KY: variants seen among roughly 807,000 people sequenced by gnomAD.
KY encodes kyphoscoliosis peptidase.
Under a neutral mutation model 76.1 loss-of-function variants are expected in KY, and 43 were observed. That is an observed-to-expected ratio of 0.57 (90% CI 0.44 to 0.73). The LOEUF (loss-of-function observed/expected upper bound fraction) is 0.73. Ranked by LOEUF, KY falls within the 30% of genes least tolerant of loss-of-function variation. The probability of loss-of-function intolerance (pLI) is 0.00; values close to 1 mark genes in which losing one functional copy is unlikely to be tolerated. For missense variants in KY, 722 were observed against 828.9 expected (o/e 0.87, Z 1.58); for synonymous variants, 277 against 326.2 (o/e 0.85, Z 1.63).
At chr3:134,615,292 C>T (rs1961327050) in intron 8 of KY, 1 of 149,420 alleles carries the variant, frequency 6.7e-6, no homozygotes, top group Admixed American at 6.7e-5. Context: ...GGACACACAG[C>T]TAGCCAGTGG....
Position 134,604,109 on chromosome 3 carries a change from C to G in KY, c.1456G>C (p.Val486Leu), listed in dbSNP as rs369734875. Residue 486 changes from valine to leucine, a missense_variant, in exon 11 of 11, where the codon GTG (valine) becomes CTG (leucine). Physicochemically the swap from Val to Leu is conservative, Grantham distance 32 (BLOSUM62 1). Transcript: ENST00000423778. Reference protein sequence around the residue: ...SDGRCSISFSVEEGINVLASL... With the variant: ...SDGRCSISFSLEEGINVLASL... ...GCCAGGACATTAATGCCCTCCTCCA[C>G]GCTGAAGCTGATGGAGCAGCGCCCG... 2.9e-5 allele frequency: 47 copies of G among 1,611,390 alleles called. No homozygotes were observed. The highest frequency in any genetic ancestry group is 3.6e-5 in the Non-Finnish European group (42 of 1,178,646).
chr3:134,611,048 G>A (rs1313883731), intron 8 of KY, among the ~76,000 whole-genome samples: 2 of 152,194 alleles, frequency 1.3e-5, no homozygotes, highest in Non-Finnish European at 2.9e-5. Flanking sequence ...TGACTGGTGG[G>A]TCTGTCCTTT....
Position 134,608,678 on chromosome 3 carries a change from G to A in KY, c.1061C>T (p.Ala354Val). ...SEFYNKGMLS[A>V]HPETSMIRTV... ...TCTGATCATGGAAGTCTCTGGGTGG[G>A]CACTCAGCATCCCTTTGTTGTAGAA... The change falls in exon 10 of 11, where the codon GCC (alanine) becomes GTC (valine). Residue 354 changes from alanine (A) to valine (V), a missense_variant. This residue lies in a region of KY where 552 missense variants were observed against 680.9 expected (regional missense o/e 0.81). Transcript: ENST00000423778. 2 of 1,614,032 alleles carry A rather than the reference G, an allele frequency of 1.2e-6. No homozygotes were observed. The highest frequency in any genetic ancestry group is 8.5e-7 in the Non-Finnish European group (1 of 1,179,890).
At chr3:134,641,817 G>A (rs1007814081) in intron 3 of KY, among the ~76,000 whole-genome samples, 1 of 152,128 alleles carries the variant, frequency 6.6e-6, no homozygotes, top group African/African-American at 2.4e-5. Context: ...TGTCAGGATT[G>A]TCTGTGTCTC....
intron 3 of KY, among the ~76,000 whole-genome samples, chr3:134,640,164 C>G (rs543183267): frequency 6.6e-6 from 1 of 151,730 alleles, no homozygotes; most frequent in East Asian, 1.9e-4. Context: ...AAATGTTGAA[C>G]CATTCCGAGC....
At chr3:134,644,644 G>A (rs1966215149) in intron 2 of KY, among the ~76,000 whole-genome samples, 1 of 152,234 alleles carries the variant, frequency 6.6e-6, no homozygotes, top group Non-Finnish European at 1.5e-5. Flanking sequence ...AAACAAGTAT[G>A]CCTCTGGGGC....
In KY at chr3:134,600,375, T is replaced by C. The variant is rs979098363; in HGVS notation, c.*3204A>G. Among the ~76,000 whole-genome samples, 67 of 152,250 alleles carry C rather than the reference T, an allele frequency of 4.4e-4. No homozygotes were observed. Among genetic ancestry groups the C allele is most frequent in the African/African-American group, 1.5e-3 (64 of 41,480 alleles). Reference sequence around the variant, plus strand: ...TGCTTAACAACAGGAAATAGTTCTTTATGTCTAGCCGAAATCCTTCATGCT... The same window carrying C: ...TGCTTAACAACAGGAAATAGTTCTTCATGTCTAGCCGAAATCCTTCATGCT... On this transcript the variant is annotated 3_prime_UTR_variant, in exon 11 of 11. Transcript: ENST00000423778.
chr3:134,616,324 T>C (rs765712347), intron 8 of KY, among the ~76,000 whole-genome samples: 2 of 152,206 alleles, frequency 1.3e-5, no homozygotes, highest in Non-Finnish European at 2.9e-5. Flanking sequence ...AATCAGTCTT[T>C]AATGAGACAA....
intron 4 of KY, among the ~76,000 whole-genome samples, chr3:134,628,786 G>T (rs1259605267): frequency 6.6e-6 from 1 of 152,106 alleles, no homozygotes; most frequent in Non-Finnish European, 1.5e-5. Flanking sequence ...GAGTTCAAAA[G>T]AGGGGTTAGG....
At chr3:134,641,561 C>T (rs995307852) in intron 3 of KY, among the ~76,000 whole-genome samples, 4 of 152,164 alleles carry the variant, frequency 2.6e-5, no homozygotes, top group South Asian at 2.1e-4. Flanking sequence ...CTCTAAAAAA[C>T]GCTGGCCCGG....
rs570887556 is a variant in KY, at chr3:134,641,570, G to A, written c.262+1746C>T. ...TAGAGCCTCTAAAAAACGCTGGCCC[G>A]GCTGACACTTTGACTTTAGCCCGGT... On this transcript the variant is annotated intron_variant, in intron 3 of 10. Coordinates refer to ENST00000423778, the MANE Select transcript of KY (RefSeq NM_178554.6). Among the ~76,000 whole-genome samples the A allele has an allele frequency of 2.6e-4, 40 of 152,206 alleles. 1 individual carries two copies. The South Asian group carries it at 7.9e-3, about 30-fold the overall frequency.
chr3:134,640,882 C>T (rs1273383852), intron 3 of KY, among the ~76,000 whole-genome samples: 1 of 152,164 alleles, frequency 6.6e-6, no homozygotes, highest in Non-Finnish European at 1.5e-5. Flanking sequence ...CAACCTTGCC[C>T]CCTCTGTTTA....
chr3:134,618,507 G>T (rs1961974365), intron 8 of KY, among the ~76,000 whole-genome samples: 1 of 152,136 alleles, frequency 6.6e-6, no homozygotes, highest in South Asian at 2.1e-4. Context: ...GGCTCAGGAA[G>T]CTGTGGGGGT....
intron 3 of KY, among the ~76,000 whole-genome samples, chr3:134,630,899 A>T (rs1216595497): frequency 2.0e-5 from 3 of 152,262 alleles, no homozygotes; most frequent in African/African-American, 7.2e-5. Flanking sequence ...AGTATCAGCG[A>T]TAAAAAAGAA....
intron 1 of KY, among the ~76,000 whole-genome samples, chr3:134,650,236 G>C (rs1966849640): frequency 6.6e-6 from 1 of 152,224 alleles, no homozygotes; most frequent in Admixed American, 6.5e-5. Context: ...ATAAGTTCAA[G>C]TGGAGACAGC....
At chr3:134,637,508 C>T (rs1965137504) in intron 3 of KY, among the ~76,000 whole-genome samples, 1 of 152,166 alleles carries the variant, frequency 6.6e-6, no homozygotes, top group Non-Finnish European at 1.5e-5. Context: ...CTATTTGACC[C>T]AGTACTATTT....
rs1300197206 is a variant in KY, at chr3:134,603,371, C to CT, written c.*207dup. On this transcript the variant is annotated 3_prime_UTR_variant, in exon 11 of 11. Coordinates refer to ENST00000423778, the MANE Select transcript of KY (RefSeq NM_178554.6). ...TTTTCCTTCTAAAGAGCCACTGCCT[C>CT]TGCCCCCTCAGTCACAGCCACACCT... 2.0e-6 allele frequency: 1 copy of CT among 501,102 alleles called. No homozygotes were observed. The allele number at this position is 501,102 out of a possible 1,614,324, so 31.0% of individuals were successfully genotyped here. A position where few individuals can be genotyped will look rare whatever the true frequency, so the allele number is the denominator to read the frequency against.
At chr3:134,630,309 G>A (rs1964043080) in intron 3 of KY, among the ~76,000 whole-genome samples, 1 of 152,198 alleles carries the variant, frequency 6.6e-6, no homozygotes, top group African/African-American at 2.4e-5. Flanking sequence ...TGATGTTGGT[G>A]GCCATGCAGC....
intron 8 of KY, among the ~76,000 whole-genome samples, chr3:134,611,934 C>A (rs577921949): frequency 6.6e-6 from 1 of 152,358 alleles, no homozygotes; most frequent in Admixed American, 6.5e-5. Context: ...TTAAATATTA[C>A]TAATACATAT....
Sources: gnomAD v4.1 joint callset for allele counts (sites outside exome capture counted in the v4.1 genomes callset) on GRCh38, gnomAD v4.1.1 for gene constraint, gnomAD v4.1.1 regional missense constraint, MANE v1.5 for transcripts, NCBI Gene and HGNC (gene_info 2026-07-23, HGNC 2026-07-21) for gene names.